Variants in CABIN1 observed in about 807,000 individuals in gnomAD.
The protein encoded by CABIN1 is calcineurin-binding protein cabin-1.
Under a neutral mutation model 227.7 loss-of-function variants are expected in CABIN1, and 133 were observed. The ratio of observed to expected loss-of-function variants is 0.58; its 90% CI spans 0.51 to 0.67. The LOEUF (loss-of-function observed/expected upper bound fraction) is 0.67, where lower values mean the gene tolerates loss of function less well. CABIN1 is among the 30% of genes least tolerant of loss of function. CABIN1 has a pLI of 0.00. For missense variants in CABIN1, 2,408 were observed against 2,852.5 expected (o/e 0.84, Z 3.55); for synonymous variants, 1,086 against 1,155.1 (o/e 0.94, Z 1.21).
At chr22:24,113,870 A>AT (rs1350306905) in intron 27 of CABIN1, 122 bp downstream of exon 27, 3 of 1,032,344 alleles carry the variant, frequency 2.9e-6, no homozygotes. Flanking sequence ...CTGGGCCTCC[A>AT]TTTTTCTCCC....
chr22:24,041,289 T>C lies in CABIN1; in HGVS notation c.345+16T>C. The C allele has an allele frequency of 6.2e-7, 1 of 1,614,158 alleles. No individual in the cohort carries two copies. Among genetic ancestry groups the C allele is most frequent in the Non-Finnish European group, 8.5e-7 (1 of 1,180,004 alleles). ...CTACTTAGAGGTGTGGTTTTGGCAG[T>C]GCTTAGCTACCTTGGTGTTTTGAAA... On this transcript the variant is annotated intron_variant, in intron 5 of 36. Transcript: ENST00000263119.
intron 9 of CABIN1, among the ~76,000 whole-genome samples, chr22:24,055,981 C>A (rs2038766193): frequency 6.6e-6 from 1 of 152,044 alleles, no homozygotes; most frequent in Non-Finnish European, 1.5e-5. Flanking sequence ...GCTTGTGGGT[C>A]CTGTGAAGTC....
rs139493223 is a variant in CABIN1 at position 24,059,967 on chromosome 22, C to T, written c.1443C>T (p.Asn481=). The T allele has an allele frequency of 3.9e-5, 63 of 1,614,178 alleles. No individual in the cohort carries two copies. The African/African-American group carries it at 6.4e-4, about 16-fold the overall frequency. Residue 481 remains asparagine (N), a synonymous_variant, in exon 12 of 37, where the codon AAC becomes AAT. Coordinates refer to ENST00000263119, the MANE Select transcript of CABIN1 (RefSeq NM_012295.4). The part of the protein sequence containing the change: ...VHEFLLENLT[N]GGILELMMRY... Reference sequence around the variant, plus strand: ...AGTTCCTGCTGGAGAACCTAACCAACGGGGGCATCCTGGAGCTGATGATGC... The same window carrying T: ...AGTTCCTGCTGGAGAACCTAACCAATGGGGGCATCCTGGAGCTGATGATGC...
chr22:24,049,220 G>T lies in CABIN1; in HGVS notation c.656G>T (p.Cys219Phe). 1.9e-6 allele frequency: 3 copies of T among 1,613,356 alleles called. No individual in the cohort carries two copies. The highest frequency in any genetic ancestry group is 2.5e-6 in the Non-Finnish European group (3 of 1,179,870). Residue 219 changes from cysteine (C) to phenylalanine (F), a missense_variant and splice_region_variant, in exon 7 of 37, where the codon TGT becomes TTT. Around this residue, in one of 3 missense-constraint regions of CABIN1, gnomAD observed 1,045 missense variants for 1,168.4 expected, o/e 0.89. Coordinates refer to ENST00000263119, the MANE Select transcript of CABIN1 (RefSeq NM_012295.4). The part of the protein sequence containing the change: ...RKDSLRMFLK[C>F]DMSIHDVSVS... ...GACTCTCTCAGAATGTTCCTCAAATGGTAAGTCCTGCCTCTTCCCATGCCA... is the reference window on the plus strand; with the variant it reads ...GACTCTCTCAGAATGTTCCTCAAATTGTAAGTCCTGCCTCTTCCCATGCCA...
chr22:24,124,170 C>T (rs2043581637), intron 28 of CABIN1, among the ~76,000 whole-genome samples: 1 of 152,218 alleles, frequency 6.6e-6, no homozygotes, highest in Non-Finnish European at 1.5e-5. Flanking sequence ...CTCTTCTTTC[C>T]TCGATGAGAA....
At chr22:24,026,789 T>A (rs2036121954) in intron 1 of CABIN1, among the ~76,000 whole-genome samples, 1 of 152,206 alleles carries the variant, frequency 6.6e-6, no homozygotes, top group Admixed American at 6.5e-5. Context: ...TTATTACAGC[T>A]TTATTGTAAG....
chr22:24,130,658 A>G (rs1046030620), intron 28 of CABIN1, among the ~76,000 whole-genome samples: 2 of 151,082 alleles, frequency 1.3e-5, no homozygotes, highest in Admixed American at 6.6e-5. Context: ...CCCCTCCCCT[A>G]CCCCACCAGC....
chr22:24,133,435 G>T (rs557222428), intron 28 of CABIN1, among the ~76,000 whole-genome samples: 1 of 152,368 alleles, frequency 6.6e-6, no homozygotes, highest in African/African-American at 2.4e-5. Flanking sequence ...GGAGCAGCTG[G>T]AGTGCAAGGT....
At chr22:24,142,240 C>G (rs1219038005) in intron 29 of CABIN1, among the ~76,000 whole-genome samples, 1 of 152,112 alleles carries the variant, frequency 6.6e-6, no homozygotes, top group Non-Finnish European at 1.5e-5. Context: ...GCTGTTGGAG[C>G]CCAGCAGACC....
chr22:24,128,222 T>C (rs1212184321), intron 28 of CABIN1, among the ~76,000 whole-genome samples: 1 of 150,856 alleles, frequency 6.6e-6, no homozygotes, highest in African/African-American at 2.4e-5. Context: ...GCAAATGTGG[T>C]TCTGCTTTTT....
chr22:24,075,589 T>A (rs998231596), intron 18 of CABIN1, among the ~76,000 whole-genome samples: 12 of 151,930 alleles, frequency 7.9e-5, no homozygotes, highest in African/African-American at 2.7e-4. Flanking sequence ...TACAAAAAAT[T>A]AAAAAATTAG....
intron 6 of CABIN1, among the ~76,000 whole-genome samples, chr22:24,045,772 A>C (rs2037827277): frequency 6.6e-6 from 1 of 152,166 alleles, no homozygotes; most frequent in Admixed American, 6.5e-5. Context: ...GAGGCTGGAG[A>C]GTCTTTTTTT....
intron 34 of CABIN1, among the ~76,000 whole-genome samples, chr22:24,174,199 C>T (rs1417719247): frequency 6.6e-6 from 1 of 151,828 alleles, no homozygotes; most frequent in Non-Finnish European, 1.5e-5. Flanking sequence ...GCGATCATGG[C>T]TCACTGCAGC....
At chr22:24,110,528 T>C (rs1415168900) in intron 26 of CABIN1, among the ~76,000 whole-genome samples, 1 of 152,382 alleles carries the variant, frequency 6.6e-6, no homozygotes, top group East Asian at 1.9e-4. Context: ...ATCCAAGTTT[T>C]ATCTGGCTTC....
intron 1 of CABIN1, among the ~76,000 whole-genome samples, chr22:24,025,718 G>A (rs6004044): frequency 0.28 from 41,820 of 152,050 alleles, 7,039 homozygotes; most frequent in African/African-American, 0.47. Flanking sequence ...TCTGTCACCC[G>A]GGCTGAAGTG....
At chr22:24,150,523 A>C (rs554530402) in intron 29 of CABIN1, among the ~76,000 whole-genome samples, 39 of 152,302 alleles carry the variant, frequency 2.6e-4, no homozygotes, top group Non-Finnish European at 4.6e-4. Context: ...TGTTCTAGGC[A>C]GTGAAACCAC....
Position 24,047,843 on chromosome 22 carries a change from A to T in CABIN1, c.527-1248A>T, listed in dbSNP as rs186927365. Reference sequence around the variant, plus strand: ...GCAGTCTACCTGCACCAAACTGAGAAGCTGGGCAGGGCATGATAGTGGTCC... The same window carrying T: ...GCAGTCTACCTGCACCAAACTGAGATGCTGGGCAGGGCATGATAGTGGTCC... On this transcript the variant is annotated intron_variant, in intron 6 of 36. Coordinates refer to ENST00000263119, the MANE Select transcript of CABIN1 (RefSeq NM_012295.4). Among the ~76,000 whole-genome samples the T allele has an allele frequency of 3.3e-5, 5 of 152,378 alleles. No individual in the cohort carries two copies. In the East Asian group the frequency reaches 9.6e-4, roughly 29 times the overall value.
rs1054622928 is a variant in CABIN1 at position 24,174,655 on chromosome 22, A to C, written c.6041-1456A>C. Among the ~76,000 whole-genome samples, 4 of 152,088 alleles carry C rather than the reference A, an allele frequency of 2.6e-5. No homozygotes were observed. The East Asian group carries it at 5.8e-4, about 22-fold the overall frequency. Reference sequence around the variant, plus strand: ...GGCTCAGGGTCTCCCACGTGGTTGCAGTCAAGCTATCATCAGTGCATCTGA... The same window carrying C: ...GGCTCAGGGTCTCCCACGTGGTTGCCGTCAAGCTATCATCAGTGCATCTGA... On this transcript the variant is annotated intron_variant, in intron 34 of 36. Transcript: ENST00000263119.
At position 24,155,106 on chromosome 22, in the gene CABIN1, T is replaced by C. The variant is rs2045705361; in HGVS notation, c.4747-9294T>C. Among the ~76,000 whole-genome samples the C allele has an allele frequency of 3.9e-5, 6 of 152,196 alleles. No homozygotes were observed. The South Asian group carries it at 1.2e-3, about 31-fold the overall frequency. ...CAGGTTGGCCCATCCCTGCCTTTCCTTGGCCTCCCCTCAGCTGGAGTGGGA... is the reference window on the plus strand; with the variant it reads ...CAGGTTGGCCCATCCCTGCCTTTCCCTGGCCTCCCCTCAGCTGGAGTGGGA... On this transcript the variant is annotated intron_variant, in intron 29 of 36. Transcript: ENST00000263119.
Sources: allele counts gnomAD v4.1 joint callset (sites outside exome capture counted in the v4.1 genomes callset), GRCh38; gene constraint gnomAD v4.1.1; regional missense constraint gnomAD v4.1.1; transcripts MANE v1.5; gene names NCBI Gene and HGNC (gene_info 2026-07-23, HGNC 2026-07-21).